TRPC4: variants seen among roughly 807,000 people sequenced by gnomAD.
TRPC4 encodes the protein short transient receptor potential channel 4.
A neutral mutation model predicts 99.4 loss-of-function variants in TRPC4; 49 were observed. The observed-to-expected ratio is 0.49, with a 90% CI of 0.39 to 0.63. TRPC4 has a LOEUF of 0.63. Among genes scored for constraint, TRPC4 ranks in the 20% least tolerant of loss-of-function variants. The pLI is 0.00. For synonymous variants in TRPC4, 454 were observed against 425.9 expected (o/e 1.07, Z -0.81); for missense variants, 898 against 1,152.9 (o/e 0.78, Z 3.20).
chr13:37,718,288 C>T (rs147267947), intron 3 of TRPC4, among the ~76,000 whole-genome samples: 117 of 151,880 alleles, frequency 7.7e-4, no homozygotes, highest in Non-Finnish European at 1.4e-3. Flanking sequence ...AACGCACACA[C>T]GCACATACAC....
rs372076938 is a variant in TRPC4 at position 37,717,563 on chromosome 13, T to A, written c.898-25228A>T. ...AAGTCCTAACCCCAGAACCTTAGAG[T>A]GTGACAGTATTTAGAGATAAAGTCT... On this transcript the variant is annotated intron_variant, in intron 3 of 10. Transcript: ENST00000379705. Among the ~76,000 whole-genome samples, 4 of 151,976 alleles carry A rather than the reference T, an allele frequency of 2.6e-5. No individual in the cohort carries two copies. The East Asian group carries it at 7.7e-4, about 29-fold the overall frequency.
At chr13:37,856,272 A>T (rs1959173375) in intron 1 of TRPC4, among the ~76,000 whole-genome samples, 1 of 151,694 alleles carries the variant, frequency 6.6e-6, no homozygotes, top group Non-Finnish European at 1.5e-5. Flanking sequence ...AATCTAGAAG[A>T]AATGGACAAA....
chr13:37,662,944 A>G (rs923855282), intron 6 of TRPC4, among the ~76,000 whole-genome samples: 5 of 152,190 alleles, frequency 3.3e-5, no homozygotes, highest in South Asian at 2.1e-4. Context: ...CATTTGCACT[A>G]TTTTTAGATG....
At chr13:37,689,041 T>G (rs745998046) in intron 4 of TRPC4, among the ~76,000 whole-genome samples, 3 of 152,138 alleles carry the variant, frequency 2.0e-5, no homozygotes, top group African/African-American at 4.8e-5. Flanking sequence ...CGCTTCTGGT[T>G]AAAGATTAAC....
intron 3 of TRPC4, among the ~76,000 whole-genome samples, chr13:37,716,296 G>A (rs1276369721): frequency 2.0e-5 from 3 of 152,092 alleles, no homozygotes; most frequent in African/African-American, 7.2e-5. Context: ...TTACAAGTAA[G>A]GAGACGAATA....
At chr13:37,660,628 A>C (rs907721846) in intron 6 of TRPC4, among the ~76,000 whole-genome samples, 1 of 152,190 alleles carries the variant, frequency 6.6e-6, no homozygotes, top group African/African-American at 2.4e-5. Context: ...TGTGAGAGAT[A>C]ATCCTCTACC....
chr13:37,759,498 T>C (rs1956172494), intron 2 of TRPC4, among the ~76,000 whole-genome samples: 1 of 151,800 alleles, frequency 6.6e-6, no homozygotes, highest in Non-Finnish European at 1.5e-5. Flanking sequence ...TTGCAACATA[T>C]GAGACATACT....
intron 1 of TRPC4, among the ~76,000 whole-genome samples, chr13:37,835,729 T>C (rs973067482): frequency 6.6e-6 from 1 of 152,216 alleles, no homozygotes; most frequent in African/African-American, 2.4e-5. Context: ...CAAGCTTATT[T>C]TTAGATTCAA....
chr13:37,788,489 C>T (rs1957026974), intron 1 of TRPC4, among the ~76,000 whole-genome samples: 1 of 152,032 alleles, frequency 6.6e-6, no homozygotes, highest in Non-Finnish European at 1.5e-5. Context: ...TGGCTCTTTT[C>T]AAGTCTTACG....
At chr13:37,763,983 G>T (rs1680253615) in intron 2 of TRPC4, among the ~76,000 whole-genome samples, 1 of 151,694 alleles carries the variant, frequency 6.6e-6, no homozygotes, top group Admixed American at 6.6e-5. Flanking sequence ...TTCTAGCATT[G>T]TCCAGGTGTA....
chr13:37,680,185 T>C (rs139789213), intron 4 of TRPC4, among the ~76,000 whole-genome samples: 1 of 152,302 alleles, frequency 6.6e-6, no homozygotes, highest in African/African-American at 2.4e-5. Context: ...GAAGGAGGTA[T>C]AAAGAAGAAG....
At chr13:37,820,080 A>T (rs969705564) in intron 1 of TRPC4, among the ~76,000 whole-genome samples, 4 of 152,012 alleles carry the variant, frequency 2.6e-5, no homozygotes, top group Non-Finnish European at 5.9e-5. Context: ...AGAAGATCCA[A>T]ATAAACTCAA....
chr13:37,839,313 G>T (rs1958664361), intron 1 of TRPC4, among the ~76,000 whole-genome samples: 1 of 152,214 alleles, frequency 6.6e-6, no homozygotes, highest in Admixed American at 6.5e-5. Flanking sequence ...AAGGTGATGA[G>T]TTCCTGGCCT....
chr13:37,836,991 C>T (rs1261943274), intron 1 of TRPC4, among the ~76,000 whole-genome samples: 1 of 152,202 alleles, frequency 6.6e-6, no homozygotes, highest in Non-Finnish European at 1.5e-5. Context: ...CCAGCCATGA[C>T]TGAATGGGGC....
intron 1 of TRPC4, among the ~76,000 whole-genome samples, chr13:37,806,771 A>G (rs1957538393): frequency 6.6e-6 from 1 of 152,072 alleles, no homozygotes; most frequent in Non-Finnish European, 1.5e-5. Flanking sequence ...TTGCTCTTCC[A>G]GTTTTACCTG....
intron 2 of TRPC4, among the ~76,000 whole-genome samples, chr13:37,756,623 C>T (rs980193248): frequency 1.3e-5 from 2 of 151,028 alleles, no homozygotes; most frequent in African/African-American, 4.9e-5. Context: ...ATCTCCGCCT[C>T]CCAGGTTCAA....
chr13:37,689,153 C>T (rs528864753), intron 4 of TRPC4, among the ~76,000 whole-genome samples: 1 of 152,252 alleles, frequency 6.6e-6, no homozygotes, highest in East Asian at 1.9e-4. Flanking sequence ...GCTTAGCAGA[C>T]AGGATGATAG....
At chr13:37,721,584 C>A (rs1195655345) in intron 3 of TRPC4, among the ~76,000 whole-genome samples, 2 of 152,084 alleles carry the variant, frequency 1.3e-5, no homozygotes, top group Non-Finnish European at 2.9e-5. Context: ...TTTGGCTGAA[C>A]ATTGCAAACC....
chr13:37,726,070 C>G (rs1035346906), intron 3 of TRPC4, among the ~76,000 whole-genome samples: 1 of 151,894 alleles, frequency 6.6e-6, no homozygotes, highest in African/African-American at 2.4e-5. Context: ...GTGGTGGGCA[C>G]CTGTTGTCCC....
Sources: gnomAD v4.1 joint callset for allele counts (sites outside exome capture counted in the v4.1 genomes callset) on GRCh38, gnomAD v4.1.1 for gene constraint, MANE v1.5 for transcripts, NCBI Gene and HGNC (gene_info 2026-07-23, HGNC 2026-07-21) for gene names.